Variants in GOLGA7B observed in about 807,000 individuals in gnomAD.
GOLGA7B encodes the protein golgin A7 family member B.
Under a neutral mutation model 21.5 loss-of-function variants are expected in GOLGA7B, and 17 were observed. The observed-to-expected ratio is 0.79, with a 90% CI of 0.54 to 1.19. GOLGA7B has a LOEUF of 1.19. GOLGA7B is among the 50% of genes most tolerant of loss of function. The probability of loss-of-function intolerance (pLI) is 0.00; values close to 1 mark genes in which losing one functional copy is unlikely to be tolerated. For missense variants in GOLGA7B, 169 were observed against 224.4 expected, an observed-to-expected ratio of 0.75 and a Z score of 1.58; for synonymous variants, 87 against 84.0, an observed-to-expected ratio of 1.04 and a Z score of -0.19.
At chr10:97,857,362 GACACACACACAC>G (rs60908270) in intron 1 of GOLGA7B, among the ~76,000 whole-genome samples, 48 of 135,540 alleles carry the variant, frequency 3.5e-4, no homozygotes, top group Admixed American at 1.3e-3. Context: ...ACAATAGCCA[GACACACACACAC>G]ACACACACAC....
At chr10:97,850,721 G>A (rs2049900329) in intron 1 of GOLGA7B, among the ~76,000 whole-genome samples, 1 of 152,182 alleles carries the variant, frequency 6.6e-6, no homozygotes, top group Non-Finnish European at 1.5e-5. Context: ...CAAAAGCTTG[G>A]CTAAGGGATG....
At chr10:97,856,977 T>C (rs909835019) in intron 1 of GOLGA7B, among the ~76,000 whole-genome samples, 1 of 152,196 alleles carries the variant, frequency 6.6e-6, no homozygotes, top group Non-Finnish European at 1.5e-5. Flanking sequence ...TGGATATTAG[T>C]CTTCTGTCAA....
intron 1 of GOLGA7B, among the ~76,000 whole-genome samples, chr10:97,853,022 G>A (rs551910116): frequency 2.4e-4 from 36 of 152,344 alleles, no homozygotes; most frequent in South Asian, 1.4e-3. Flanking sequence ...TCTCCAAGTG[G>A]TGGGGTTTGG....
In GOLGA7B at chr10:97,867,406, G is replaced by A. The variant is rs2050040830; in HGVS notation, c.*1706G>A. ...TGGATGTGCAAGACCAGCCACTGGA[G>A]GTAGCTCTCTGGAGTCAAAGAGAGG... On this transcript the variant is annotated 3_prime_UTR_variant, in exon 5 of 5. Transcript: ENST00000370602. 1 of 152,300 alleles carries A rather than the reference G, an allele frequency of 6.6e-6. No individual in the cohort carries two copies. Among genetic ancestry groups the A allele is most frequent in the African/African-American group, 2.4e-5 (1 of 41,458 alleles). 9.4% of individuals were successfully genotyped at this position (152,300 alleles called of 1,614,324 possible).
intron 2 of GOLGA7B, among the ~76,000 whole-genome samples, chr10:97,860,348 T>C (rs929445493): frequency 6.6e-6 from 1 of 152,104 alleles, no homozygotes; most frequent in Non-Finnish European, 1.5e-5. Context: ...GTCACCCTGT[T>C]GTGCTATCAA....
chr10:97,853,574 T>C (rs1223765425), intron 1 of GOLGA7B, among the ~76,000 whole-genome samples: 2 of 152,124 alleles, frequency 1.3e-5, no homozygotes, highest in Non-Finnish European at 2.9e-5. Context: ...CCTTATGAAA[T>C]GCTTCTCGGC....
intron 2 of GOLGA7B, among the ~76,000 whole-genome samples, chr10:97,860,351 G>C (rs1049315859): frequency 1.8e-4 from 27 of 152,000 alleles, no homozygotes; most frequent in African/African-American, 6.3e-4. Flanking sequence ...ACCCTGTTGT[G>C]CTATCAAATA....
chr10:97,865,789 G>A lies in GOLGA7B; in HGVS notation c.*89G>A. ...CTGCGCTACCAGAGCACCCGCTTCT[G>A]AGTCATTCTTTGGGCTCACCCTGCT... On this transcript the variant is annotated 3_prime_UTR_variant, in exon 5 of 5. Transcript: ENST00000370602. 1.6e-6 allele frequency: 2 copies of A among 1,243,146 alleles called. No homozygotes were observed. The highest frequency in any genetic ancestry group is 2.9e-5 in the South Asian group (2 of 69,742). The allele number at this position is 1,243,146 out of a possible 1,614,324, so 77.0% of individuals were successfully genotyped here.
In GOLGA7B at chr10:97,849,843, G is replaced by C. The variant is rs1682185766; in HGVS notation, c.-461G>C. ...AGGAAGGGGAGGCGGGGCCTCGCGC[G>C]GGGCGGTAGCCGAGCCTGTGGCCCG... On this transcript the variant is annotated 5_prime_UTR_variant, in exon 1 of 5. Coordinates refer to ENST00000370602, the MANE Select transcript of GOLGA7B (RefSeq NM_001010917.3). 1 of 151,768 alleles carries C rather than the reference G, an allele frequency of 6.6e-6. No individual in the cohort carries two copies. Among genetic ancestry groups the C allele is most frequent in the Non-Finnish European group, 1.5e-5 (1 of 67,808 alleles). The allele number at this position is 151,768 out of a possible 1,614,324, so 9.4% of individuals were successfully genotyped here.
intron 1 of GOLGA7B, among the ~76,000 whole-genome samples, chr10:97,852,209 T>A (rs1039432167): frequency 6.6e-6 from 1 of 152,222 alleles, no homozygotes; most frequent in African/African-American, 2.4e-5. Context: ...CAGTGCTTTT[T>A]TTTCCTGCAT....
chr10:97,857,296 C>T (rs1386630138), intron 1 of GOLGA7B, among the ~76,000 whole-genome samples: 2 of 151,550 alleles, frequency 1.3e-5, no homozygotes, highest in Non-Finnish European at 2.9e-5. Flanking sequence ...TGCACATGGT[C>T]AGCCAGTTTT....
intron 2 of GOLGA7B, among the ~76,000 whole-genome samples, chr10:97,862,933 A>T (rs1390713694): frequency 6.6e-6 from 1 of 152,136 alleles, no homozygotes; most frequent in African/African-American, 2.4e-5. Flanking sequence ...GGCCTGAGGA[A>T]ATTTCAAGAA....
chr10:97,865,803 GCTCACCCTGCTGCCCGGGGTGGGAGGGA>G lies in GOLGA7B; in HGVS notation c.*104_*131del. 3 of 1,137,932 alleles carry G rather than the reference GCTCACCCTGCTGCCCGGGGTGGGAGGGA, an allele frequency of 2.6e-6. No homozygotes were observed. Among genetic ancestry groups the G allele is most frequent in the Non-Finnish European group, 3.6e-6 (3 of 843,042 alleles). The allele number at this position is 1,137,932 out of a possible 1,614,324, so 70.5% of individuals were successfully genotyped here. On this transcript the variant is annotated 3_prime_UTR_variant, in exon 5 of 5. Transcript: ENST00000370602. ...CACCCGCTTCTGAGTCATTCTTTGG[GCTCACCCTGCTGCCCGGGGTGGGAGGGA>G]GGGTGACGGGCCTCATATTTCCTGT...
intron 1 of GOLGA7B, 120 bp from the exon 2 acceptor site, chr10:97,859,326 AGCTTGTCTCTGC>A: frequency 1.1e-6 from 1 of 887,748 alleles, no homozygotes; most frequent in African/African-American, 1.7e-5. Flanking sequence ...TAGAGTGCCC[AGCTTGTCTCTGC>A]ATGCTGGGAA....
In GOLGA7B at chr10:97,867,692, T is replaced by G. The variant is rs1401484742; in HGVS notation, c.*1992T>G. 3 of 151,030 alleles carry G rather than the reference T, an allele frequency of 2.0e-5. No homozygotes were observed. The highest frequency in any genetic ancestry group is 2.4e-5 in the African/African-American group (1 of 41,160). The allele number at this position is 151,030 out of a possible 1,614,324, so 9.4% of individuals were successfully genotyped here. The stretch of plus-strand genomic sequence containing the variant: ...CCATGGGAGGGCTGGGCACAGGCAG[T>G]GCTATGGCCTTTTTTTTTTTTTTCT... On this transcript the variant is annotated 3_prime_UTR_variant, in exon 5 of 5. Transcript: ENST00000370602.
At position 97,867,700 on chromosome 10, in the gene GOLGA7B, CCT is replaced by C. The variant is rs2050044727; in HGVS notation, c.*2001_*2002del. On this transcript the variant is annotated 3_prime_UTR_variant, in exon 5 of 5. Transcript: ENST00000370602. ...GGGCTGGGCACAGGCAGTGCTATGG[CCT>C]TTTTTTTTTTTTTCTTTTTCCAATA... 6.6e-6 allele frequency: 1 copy of C among 151,494 alleles called. No homozygotes were observed. The highest frequency in any genetic ancestry group is 1.5e-5 in the Non-Finnish European group (1 of 67,936). The allele number at this position is 151,494 out of a possible 1,614,324, so 9.4% of individuals were successfully genotyped here.
At chr10:97,855,018 C>T (rs889148020) in intron 1 of GOLGA7B, among the ~76,000 whole-genome samples, 3 of 152,190 alleles carry the variant, frequency 2.0e-5, no homozygotes, top group Non-Finnish European at 4.4e-5. Flanking sequence ...TCGTCACTTC[C>T]TCTCACATTC....
chr10:97,868,768 T>C lies in GOLGA7B; in HGVS notation c.*3068T>C, dbSNP rs1214232140. 1.3e-5 allele frequency: 2 copies of C among 151,674 alleles called. No homozygotes were observed. The highest frequency in any genetic ancestry group is 2.9e-5 in the Non-Finnish European group (2 of 67,896). 9.4% of individuals were successfully genotyped at this position (151,674 alleles called of 1,614,324 possible). On this transcript the variant is annotated 3_prime_UTR_variant, in exon 5 of 5. Coordinates refer to ENST00000370602, the MANE Select transcript of GOLGA7B (RefSeq NM_001010917.3). ...TAGAGATGAGGTCCTGGGGAGGGGGTGAGGATTTACTAAACGGGTAAAACC... is the reference window on the plus strand; with the variant it reads ...TAGAGATGAGGTCCTGGGGAGGGGGCGAGGATTTACTAAACGGGTAAAACC...
chr10:97,865,647 AGCAGCGGCAGTG>A lies in GOLGA7B; in HGVS notation c.457_468del (p.Gly153_Ser156del), dbSNP rs1250969912. On this transcript the variant is annotated inframe_deletion, in exon 5 of 5. Coordinates refer to ENST00000370602, the MANE Select transcript of GOLGA7B (RefSeq NM_001010917.3). ...CAGTGGCAGCTCCAGCAGCGGCAGC[AGCAGCGGCAGTG>A]GCAGCAGCAGCGGTGGGGGTGGTGG... The A allele has an allele frequency of 1.2e-6, 2 of 1,611,944 alleles. No homozygotes were observed. The highest frequency in any genetic ancestry group is 2.2e-5 in the South Asian group (2 of 90,760).
Sources: gnomAD v4.1 joint callset for allele counts (sites outside exome capture counted in the v4.1 genomes callset) on GRCh38, gnomAD v4.1.1 for gene constraint, MANE v1.5 for transcripts, NCBI Gene and HGNC (gene_info 2026-07-23, HGNC 2026-07-21) for gene names.